GPRC5C: variants seen among roughly 807,000 people sequenced by gnomAD.
GPRC5C encodes the protein G protein-coupled receptor family C group 5 member C.
In GPRC5C, 22 loss-of-function variants were observed where a neutral mutation model predicts 31.4. That is an observed-to-expected ratio of 0.70 (90% CI 0.50 to 1.00). GPRC5C has a LOEUF of 1.00. GPRC5C is among the 50% of genes least tolerant of loss of function. The probability of loss-of-function intolerance (pLI) is 0.00; values close to 1 mark genes in which losing one functional copy is unlikely to be tolerated. For missense variants in GPRC5C, 557 were observed against 597.2 expected, an observed-to-expected ratio of 0.93 and a Z score of 0.70; for synonymous variants, 249 against 257.5, an observed-to-expected ratio of 0.97 and a Z score of 0.32.
At chr17:74,439,560 T>G (rs974264769) in intron 1 of GPRC5C, among the ~76,000 whole-genome samples, 185 bp from the exon 2 acceptor site, 1 of 152,220 alleles carries the variant, frequency 6.6e-6, no homozygotes, top group African/African-American at 2.4e-5. Context: ...TTCATCTCAT[T>G]TGCCTCTGTG....
rs577368102 is a variant in GPRC5C at position 74,432,463 on chromosome 17, C to G, written c.-33+322C>G. The G allele has an allele frequency of 9.3e-6, 10 of 1,077,332 alleles. No homozygotes were observed. In the East Asian group the frequency reaches 4.7e-4, roughly 51 times the overall value. The allele number at this position is 1,077,332 out of a possible 1,614,324, so 66.7% of individuals were successfully genotyped here. A position where few individuals can be genotyped will look rare whatever the true frequency, so the allele number is the denominator to read the frequency against. On this transcript the variant is annotated intron_variant, in intron 1 of 3. Coordinates refer to ENST00000392627, the MANE Select transcript of GPRC5C (RefSeq NM_022036.4). The stretch of plus-strand genomic sequence containing the variant: ...GTCCCTCCCACCCCCGCCCGCCCCC[C>G]GCCTGGGGCTGGAGTTGGCCCCAAA...
In GPRC5C at chr17:74,440,734, C is replaced by A. The variant is rs143305891; in HGVS notation, c.958C>A (p.Arg320=). ...CTACCAGGGGGACATGTACCCCACC[C>A]GGGGCGTGGGCTATGAGACCATCCT... ...QSYQGDMYPT[R]GVGYETILKE... is the part of the protein sequence containing the mutation. The change falls in exon 2 of 4, where the codon CGG becomes AGG. Residue 320 remains arginine, a synonymous_variant. Coordinates refer to ENST00000392627, the MANE Select transcript of GPRC5C (RefSeq NM_022036.4). The surrounding 1 kb of genome is among the most constrained non-coding windows in gnomAD (Gnocchi z 4.4). 1.3e-6 allele frequency: 2 copies of A among 1,595,080 alleles called. No homozygotes were observed. Among genetic ancestry groups the A allele is most frequent in the African/African-American group, 1.3e-5 (1 of 74,586 alleles).
chr17:74,448,332 T>C (rs113545377), downstream of GPRC5C, among the ~76,000 whole-genome samples: 1,536 of 152,270 alleles, frequency 0.01, 41 homozygotes, highest in African/African-American at 0.034. Flanking sequence ...TCGGTACTTA[T>C]ACTAAGCAAA....
intron 2 of GPRC5C, 176 bp from the exon 3 acceptor site, chr17:74,443,642 C>T: frequency 1.4e-6 from 1 of 697,798 alleles, no homozygotes; most frequent in African/African-American, 1.8e-5. Context: ...GGAGGGGGCC[C>T]CCGTGTTCAC....
At chr17:74,449,476 G>A (rs944639130), downstream of GPRC5C, 26 of 650,600 alleles carry the variant, frequency 4.0e-5, no homozygotes, top group Middle Eastern at 3.5e-4. Flanking sequence ...GGGAGGGGCC[G>A]GAGGCCACCA....
rs2706527 is a variant in GPRC5C at position 74,447,053 on chromosome 17, G to T, written c.*25G>T. On this transcript the variant is annotated 3_prime_UTR_variant, in exon 4 of 4. Coordinates refer to ENST00000392627, the MANE Select transcript of GPRC5C (RefSeq NM_022036.4). ...AGTCAGCGGTGGCGAGGAGAGGCGG[G>T]CGGATTTGGGGAGGGCCCTGAGGAC... is the stretch of plus-strand genomic sequence containing the variant. 1,407,647 of 1,596,592 alleles carry T rather than the reference G, an allele frequency of 0.88. 622,349 individuals carry two copies. Among genetic ancestry groups the T allele is most frequent in the Admixed American group, 0.92 (54,748 of 59,332 alleles).
Position 74,440,804 on chromosome 17 carries a change from T to C in GPRC5C, c.1028T>C (p.Phe343Ser). ...GQSMFVENKAFSMDEPVAAKR... is the reference protein window; with the variant it reads ...GQSMFVENKASSMDEPVAAKR... ...AGCATGTTCGTGGAGAACAAGGCCT[T>C]TTCCATGGATGAGCCGGTTGCAGGT... is the stretch of plus-strand genomic sequence containing the variant. The change falls in exon 2 of 4, where the codon TTT becomes TCT. Residue 343 changes from phenylalanine to serine, a missense_variant. Coordinates refer to ENST00000392627, the MANE Select transcript of GPRC5C (RefSeq NM_022036.4). This position sits in a 1 kb window ranked among gnomAD's most constrained non-coding sequence, Gnocchi z 4.4. 1 of 1,498,570 alleles carries C rather than the reference T, an allele frequency of 6.7e-7. No individual in the cohort carries two copies. Among genetic ancestry groups the C allele is most frequent in the South Asian group, 1.4e-5 (1 of 71,620 alleles). The allele number at this position is 1,498,570 out of a possible 1,614,324, so 92.8% of individuals were successfully genotyped here. A position where few individuals can be genotyped will look rare whatever the true frequency, so the allele number is the denominator to read the frequency against.
chr17:74,432,550 C>T (rs1268719051), intron 1 of GPRC5C: 9 of 990,254 alleles, frequency 9.1e-6, no homozygotes, highest in Non-Finnish European at 9.6e-6. Context: ...TCCCGCTCCG[C>T]CGCCCGGAAG....
At chr17:74,433,255 C>T (rs1280888561) in intron 1 of GPRC5C, among the ~76,000 whole-genome samples, 2 of 152,170 alleles carry the variant, frequency 1.3e-5, no homozygotes, top group Non-Finnish European at 2.9e-5. Context: ...ACCCCTGTGC[C>T]TTCAACTGGA....
chr17:74,439,803 G>A lies in GPRC5C; in HGVS notation c.27G>A (p.Met9Ile), dbSNP rs548628634. The A allele has an allele frequency of 5.6e-6, 9 of 1,613,510 alleles. No individual in the cohort carries two copies. The East Asian group carries it at 1.1e-4, about 20-fold the overall frequency. The change falls in exon 2 of 4, where the codon ATG (methionine) becomes ATA (isoleucine). Residue 9 changes from methionine (M) to isoleucine (I), a missense_variant. Physicochemically the swap from Met to Ile is conservative, Grantham distance 10. Transcript: ENST00000392627. Reference protein sequence around the residue: MAIHKALVMCLGLPLFLFP... With the variant: MAIHKALVICLGLPLFLFP... The stretch of plus-strand genomic sequence containing the variant: ...TGGCCATCCACAAAGCCTTGGTGAT[G>A]TGCCTGGGACTGCCTCTCTTCCTGT...
rs901092292 is a variant in GPRC5C, at chr17:74,433,812, G to A, written c.-33+1671G>A. 2.2e-5 allele frequency: 28 copies of A among 1,289,364 alleles called. No homozygotes were observed. The Admixed American group carries it at 3.7e-4, about 17-fold the overall frequency. The allele number at this position is 1,289,364 out of a possible 1,614,324, so 79.9% of individuals were successfully genotyped here. A position where few individuals can be genotyped will look rare whatever the true frequency, so the allele number is the denominator to read the frequency against. On this transcript the variant is annotated intron_variant, in intron 1 of 3. Coordinates refer to ENST00000392627, the MANE Select transcript of GPRC5C (RefSeq NM_022036.4). ...CGCGCTGGAGCTCTCTTTCCAGTGC[G>A]GTATCCTTGGCCCTGGTGGGTGGAG...
Position 74,440,556 on chromosome 17 carries a change from C to A in GPRC5C, c.780C>A (p.Ile260=), listed in dbSNP as rs1010914923. The change falls in exon 2 of 4, where the codon ATC becomes ATA. Residue 260 remains isoleucine, a synonymous_variant. Coordinates refer to ENST00000392627, the MANE Select transcript of GPRC5C (RefSeq NM_022036.4). This position sits in a 1 kb window ranked among gnomAD's most constrained non-coding sequence, Gnocchi z 4.4. ...CCGTTGCCATATGGGTGGTGTGGATCGTCATGTATACTTACGGCAACAAGC... is the reference window on the plus strand; with the variant it reads ...CCGTTGCCATATGGGTGGTGTGGATAGTCATGTATACTTACGGCAACAAGC... ...ATSVAIWVVW[I]VMYTYGNKQH... 1 of 1,614,040 alleles carries A rather than the reference C, an allele frequency of 6.2e-7. No individual in the cohort carries two copies. Among genetic ancestry groups the A allele is most frequent in the Non-Finnish European group, 8.5e-7 (1 of 1,180,016 alleles).
intron 2 of GPRC5C, chr17:74,443,348 G>T (rs2055572865): frequency 3.5e-6 from 1 of 287,710 alleles, no homozygotes; most frequent in Non-Finnish European, 6.7e-6. Context: ...TCGGCCCTGG[G>T]AGGACATGAA....
intron 1 of GPRC5C, among the ~76,000 whole-genome samples, chr17:74,439,410 A>C (rs1249368758): frequency 6.6e-6 from 1 of 152,188 alleles, no homozygotes; most frequent in Non-Finnish European, 1.5e-5. Context: ...CTTGTTCACA[A>C]GCCCCTTCAT....
intron 2 of GPRC5C, among the ~76,000 whole-genome samples, chr17:74,442,014 A>G (rs2055549909): frequency 6.6e-6 from 1 of 150,832 alleles, no homozygotes; most frequent in African/African-American, 2.4e-5. Flanking sequence ...CTCTTTTTTT[A>G]TTTTTTGAGA....
intron 2 of GPRC5C, among the ~76,000 whole-genome samples, chr17:74,442,822 G>A (rs2055561862): frequency 6.6e-6 from 1 of 151,824 alleles, no homozygotes; most frequent in African/African-American, 2.4e-5. Context: ...TCACACGCAC[G>A]GTGTGCATGG....
intron 3 of GPRC5C, chr17:74,446,628 G>T: frequency 1.8e-6 from 1 of 552,930 alleles, no homozygotes; most frequent in South Asian, 2.3e-5. Context: ...TCCAAGGTCA[G>T]CAGGGGCCTC....
chr17:74,432,802 C>T (rs2055375153), intron 1 of GPRC5C, among the ~76,000 whole-genome samples: 1 of 119,926 alleles, frequency 8.3e-6, no homozygotes, highest in African/African-American at 3.2e-5. Flanking sequence ...TGGGAGTCCG[C>T]GGTCACTCTC....
At chr17:74,444,891 C>T (rs955613403) in intron 3 of GPRC5C, among the ~76,000 whole-genome samples, 2 of 152,186 alleles carry the variant, frequency 1.3e-5, no homozygotes, top group African/African-American at 4.8e-5. Context: ...GATATTTTAT[C>T]TGACCGGTTC....
Sources: allele counts gnomAD v4.1 joint callset (sites outside exome capture counted in the v4.1 genomes callset), GRCh38; gene constraint gnomAD v4.1.1; non-coding constraint Gnocchi (gnomAD v3.1); transcripts MANE v1.5; gene names NCBI Gene and HGNC (gene_info 2026-07-23, HGNC 2026-07-21).